IQSEC2: variants seen among roughly 807,000 people sequenced by gnomAD.
The protein encoded by IQSEC2 is IQ motif and SEC7 domain-containing protein 2.
Under a neutral mutation model 74.6 loss-of-function variants are expected in IQSEC2, and 6 were observed. That is an observed-to-expected ratio of 0.08 (90% confidence interval 0.04 to 0.16). IQSEC2 has a LOEUF of 0.16. IQSEC2 is among the 10% of genes least tolerant of loss of function. The pLI, the probability that IQSEC2 is intolerant of heterozygous loss-of-function variation, is 1.00. For synonymous variants in IQSEC2, 494 were observed against 544.5 expected (o/e 0.91, Z 1.29); for missense variants, 734 against 1,306.2 (o/e 0.56, Z 6.75).
intron 1 of IQSEC2, among the ~76,000 whole-genome samples, chrX:53,307,927 C>T (rs1184428456): frequency 2.1e-4 from 23 of 107,317 alleles, no homozygotes. Context: ...CGGCTCATGC[C>T]TATAATCCCA....
At chrX:53,266,531 C>G (rs2074659848) in intron 2 of IQSEC2, 1 of 756,780 alleles carries the variant, frequency 1.3e-6, no homozygotes, top group Admixed American at 8.5e-5. Flanking sequence ...GGGTCCTGCC[C>G]CCGTCTGGTC....
intron 2 of IQSEC2, among the ~76,000 whole-genome samples, chrX:53,261,564 G>A (rs903973467): frequency 3.7e-5 from 4 of 109,084 alleles, no homozygotes; most frequent in African/African-American, 1.3e-4. Context: ...ACAGACACAT[G>A]CAAAGGCAGA....
intron 2 of IQSEC2, among the ~76,000 whole-genome samples, chrX:53,280,766 C>CT (rs1257137206): frequency 7.2e-5 from 8 of 111,411 alleles, no homozygotes; most frequent in African/African-American, 2.3e-4. Context: ...GGCAGGGAGG[C>CT]TGAGGGCCTG....
At chrX:53,262,314 T>C (rs1556866706) in intron 2 of IQSEC2, among the ~76,000 whole-genome samples, 1 of 112,046 alleles carries the variant, frequency 8.9e-6, no homozygotes, top group African/African-American at 3.2e-5. Context: ...CTCCTTCCCT[T>C]TATTGGCACT....
intron 1 of IQSEC2, among the ~76,000 whole-genome samples, chrX:53,301,139 A>G (rs782332936): frequency 8.9e-6 from 1 of 112,332 alleles, no homozygotes; most frequent in Non-Finnish European, 1.9e-5. Context: ...TAAATTGGTT[A>G]AGTAGCCTGA....
At chrX:53,299,538 T>A (rs1232299717) in intron 1 of IQSEC2, among the ~76,000 whole-genome samples, 1 of 111,394 alleles carries the variant, frequency 9.0e-6, no homozygotes, top group Non-Finnish European at 1.9e-5. Flanking sequence ...GGAGTCCCAC[T>A]GTTTTAAGTG....
At chrX:53,228,645 A>T (rs782559210), downstream of IQSEC2, among the ~76,000 whole-genome samples, 1 of 111,692 alleles carries the variant, frequency 9.0e-6, no homozygotes, top group Non-Finnish European at 1.9e-5. Context: ...GTAAAATATG[A>T]TCTCTTCCAG....
At chrX:53,314,833 G>C (rs1189541805) in intron 1 of IQSEC2, among the ~76,000 whole-genome samples, 1 of 111,613 alleles carries the variant, frequency 9.0e-6, no homozygotes, top group Non-Finnish European at 1.9e-5. Context: ...AGAGAGAGCA[G>C]GAGGGGCAAT....
At chrX:53,286,221 C>T (rs1248277694) in intron 2 of IQSEC2, among the ~76,000 whole-genome samples, 2 of 111,316 alleles carry the variant, frequency 1.8e-5, no homozygotes, top group African/African-American at 6.5e-5. Flanking sequence ...AAAGCTTTTT[C>T]GGCATAAAAT....
intron 1 of IQSEC2, among the ~76,000 whole-genome samples, chrX:53,308,747 C>T (rs1274609937): frequency 1.8e-5 from 2 of 109,931 alleles, no homozygotes; most frequent in East Asian, 2.9e-4. Flanking sequence ...TAAAATAGTA[C>T]TTAATAAAGT....
At chrX:53,275,653 C>G (rs1348419232) in intron 2 of IQSEC2, among the ~76,000 whole-genome samples, 3 of 109,374 alleles carry the variant, frequency 2.7e-5, no homozygotes, top group African/African-American at 1.0e-4. Context: ...TCCTCTATTT[C>G]TGTGATAGAA....
intron 2 of IQSEC2, among the ~76,000 whole-genome samples, chrX:53,281,100 A>G (rs1278273465): frequency 2.7e-5 from 3 of 112,865 alleles, no homozygotes; most frequent in Non-Finnish European, 3.8e-5. Flanking sequence ...GCCAGTCTCC[A>G]GCCCAAGTCC....
At chrX:53,295,989 T>C (rs1556874175) in intron 1 of IQSEC2, among the ~76,000 whole-genome samples, 2 of 111,217 alleles carry the variant, frequency 1.8e-5, no homozygotes, top group African/African-American at 6.5e-5. Flanking sequence ...ATAACATGCC[T>C]AAAAGATTAT....
intron 1 of IQSEC2, among the ~76,000 whole-genome samples, chrX:53,300,962 G>GA (rs1385728139): frequency 1.8e-5 from 2 of 112,048 alleles, no homozygotes; most frequent in African/African-American, 3.2e-5. Context: ...TCAACTACAT[G>GA]AAAAAAATGC....
chrX:53,235,257 C>T, intron 14 of IQSEC2, 73 bp from the exon 15 acceptor site: 1 of 1,136,524 alleles, frequency 8.8e-7, no homozygotes, highest in Admixed American at 2.6e-5. Context: ...CCACCCCTGT[C>T]CCTGAGGGCT....
At chrX:53,279,890 G>T (rs1465829437) in intron 2 of IQSEC2, 1 of 87,360 alleles carries the variant, frequency 1.1e-5, no homozygotes, top group Non-Finnish European at 2.1e-5. Context: ...GAGGAAGATG[G>T]AGAGAGAGGA....
At chrX:53,261,950 G>A (rs1318134176) in intron 2 of IQSEC2, among the ~76,000 whole-genome samples, 1 of 111,933 alleles carries the variant, frequency 8.9e-6, no homozygotes, top group Non-Finnish European at 1.9e-5. Context: ...AATCTGCATG[G>A]CAAACGTGAG....
At chrX:53,251,279 G>A in intron 4 of IQSEC2, 105 bp from the exon 5 acceptor site, 1 of 861,854 alleles carries the variant, frequency 1.2e-6, no homozygotes, top group Non-Finnish European at 1.7e-6. Flanking sequence ...AGGAAAAAGG[G>A]GGAGTCTTCC....
At chrX:53,267,466 G>T (rs1315977814) in intron 2 of IQSEC2, among the ~76,000 whole-genome samples, 3 of 112,190 alleles carry the variant, frequency 2.7e-5, no homozygotes. Context: ...ACTCAGAAAG[G>T]TTAGATAACT....
Sources: allele counts gnomAD v4.1 joint callset (sites outside exome capture counted in the v4.1 genomes callset), GRCh38; gene constraint gnomAD v4.1.1; transcripts MANE v1.5; gene names NCBI Gene and HGNC (gene_info 2026-07-23, HGNC 2026-07-21).